CDH2: variants seen among roughly 807,000 people sequenced by gnomAD.
CDH2 encodes the protein cadherin 2, also known as cadherin-2.
In CDH2, 17 loss-of-function variants were observed where a neutral mutation model predicts 92.0. The observed-to-expected ratio is 0.18, with a 90% confidence interval of 0.13 to 0.28. The LOEUF (loss-of-function observed/expected upper bound fraction) is 0.28, where lower values mean the gene tolerates loss of function less well. Among genes scored for constraint, CDH2 ranks in the 10% least tolerant of loss-of-function variants. CDH2 has a pLI of 1.00. For synonymous variants in CDH2, 419 were observed against 415.9 expected (o/e 1.01, Z -0.09); for missense variants, 862 against 1,133.1 (o/e 0.76, Z 3.44).
intron 2 of CDH2, among the ~76,000 whole-genome samples, chr18:28,142,590 T>G (rs2015972343): frequency 6.6e-6 from 1 of 151,926 alleles, no homozygotes; most frequent in African/African-American, 2.4e-5. Flanking sequence ...ACCCCAAGGT[T>G]TAAAAAAATG....
In CDH2 at chr18:27,992,804, T is replaced by C; in HGVS notation, c.1195A>G (p.Ile399Val). The part of the protein sequence containing the change: ...GEVPENRVDI[I>V]VANLTVTDKD... ...TCGGTCACAGTTAGATTAGCTACTATGATGTCTACCCTGTTCTCAGGAACT... is the reference window on the plus strand; with the variant it reads ...TCGGTCACAGTTAGATTAGCTACTACGATGTCTACCCTGTTCTCAGGAACT... Residue 399 changes from isoleucine (I) to valine (V), a missense_variant, in exon 9 of 16, where the codon ATA (isoleucine) becomes GTA (valine). Ile to Val is a conservative substitution (Grantham distance 29). Around this residue, in one of 5 missense-constraint regions of CDH2, gnomAD observed 564 missense variants for 722.2 expected, o/e 0.78. Coordinates refer to ENST00000269141, the MANE Select transcript of CDH2 (RefSeq NM_001792.5). The C allele has an allele frequency of 1.2e-6, 2 of 1,614,016 alleles. No homozygotes were observed. Among genetic ancestry groups the C allele is most frequent in the South Asian group, 1.1e-5 (1 of 91,058 alleles).
intron 15 of CDH2, among the ~76,000 whole-genome samples, chr18:27,962,008 A>ATAAC (rs1238588811): frequency 6.6e-6 from 1 of 152,228 alleles, no homozygotes; most frequent in African/African-American, 2.4e-5. Flanking sequence ...AAGATTCACT[A>ATAAC]TAACTTGAAT....
At chr18:28,117,682 T>C (rs986619874) in intron 2 of CDH2, among the ~76,000 whole-genome samples, 1 of 152,150 alleles carries the variant, frequency 6.6e-6, no homozygotes, top group African/African-American at 2.4e-5. Flanking sequence ...TACTTTATAT[T>C]GGTTTTAAGA....
chr18:28,065,412 C>G (rs2014487723), intron 2 of CDH2, among the ~76,000 whole-genome samples: 1 of 152,136 alleles, frequency 6.6e-6, no homozygotes, highest in Non-Finnish European at 1.5e-5. Flanking sequence ...ACAAAAACGG[C>G]ACTTGGTTCA....
At chr18:27,956,710 T>G (rs1327380402) in intron 15 of CDH2, among the ~76,000 whole-genome samples, 1 of 152,196 alleles carries the variant, frequency 6.6e-6, no homozygotes, top group African/African-American at 2.4e-5. Context: ...GACTGCTCTC[T>G]ATGACTCCTT....
At chr18:27,983,926 C>T (rs190955169) in intron 13 of CDH2, among the ~76,000 whole-genome samples, 9 of 152,314 alleles carry the variant, frequency 5.9e-5, no homozygotes, top group Admixed American at 3.3e-4. Flanking sequence ...TATCAGTTTA[C>T]ATCCTGAAGC....
intron 1 of CDH2, chr18:28,159,435 T>A (rs2016271600): frequency 6.6e-6 from 1 of 152,260 alleles, no homozygotes. Context: ...CCTTTCATAT[T>A]TTCTGATTCT....
chr18:27,977,775 T>C (rs554250149), intron 14 of CDH2, among the ~76,000 whole-genome samples: 2 of 152,264 alleles, frequency 1.3e-5, no homozygotes, highest in East Asian at 3.9e-4. Context: ...CAAAAATTAT[T>C]CTTTAAGACT....
chr18:28,109,959 A>G (rs576160289), intron 2 of CDH2, among the ~76,000 whole-genome samples: 15 of 152,210 alleles, frequency 9.9e-5, no homozygotes, highest in Non-Finnish European at 2.1e-4. Flanking sequence ...CCAAGAATGT[A>G]CATACCATAC....
intron 2 of CDH2, among the ~76,000 whole-genome samples, chr18:28,064,040 A>G (rs1395528565): frequency 6.6e-6 from 1 of 152,076 alleles, no homozygotes; most frequent in Non-Finnish European, 1.5e-5. Context: ...AACAACCAAA[A>G]CAAGTTAAAA....
intron 1 of CDH2, among the ~76,000 whole-genome samples, chr18:28,160,217 G>A (rs1461929448): frequency 1.3e-5 from 2 of 151,894 alleles, no homozygotes; most frequent in Non-Finnish European, 2.9e-5. Context: ...TCCTAGAATA[G>A]AAAAGAGGCA....
At chr18:27,981,105 C>A (rs2012037427) in intron 14 of CDH2, among the ~76,000 whole-genome samples, 1 of 152,112 alleles carries the variant, frequency 6.6e-6, no homozygotes, top group African/African-American at 2.4e-5. Flanking sequence ...TTGGTTCTTG[C>A]CTCTGAGCCT....
intron 2 of CDH2, among the ~76,000 whole-genome samples, chr18:28,120,168 C>T (rs978520102): frequency 2.0e-5 from 3 of 152,056 alleles, no homozygotes; most frequent in Non-Finnish European, 4.4e-5. Context: ...TAAATTATCC[C>T]TAAGTACTCT....
chr18:28,079,603 T>C (rs1338297037), intron 2 of CDH2, among the ~76,000 whole-genome samples: 4 of 152,190 alleles, frequency 2.6e-5, no homozygotes, highest in Non-Finnish European at 5.9e-5. Flanking sequence ...AAAACAAAAA[T>C]TGATGTTACG....
At position 28,009,926 on chromosome 18, in the gene CDH2, C is replaced by T. The variant is rs41274320; in HGVS notation, c.547-54G>A. On this transcript the variant is annotated intron_variant, in intron 4 of 15. Coordinates refer to ENST00000269141, the MANE Select transcript of CDH2 (RefSeq NM_001792.5). Reference sequence around the variant, plus strand: ...GTGAGAGACTAAATGAGCTCATTATCAGAGATGGGGCACATCACACTTCAT... The same window carrying T: ...GTGAGAGACTAAATGAGCTCATTATTAGAGATGGGGCACATCACACTTCAT... 9,961 of 1,436,978 alleles carry T rather than the reference C, an allele frequency of 6.9e-3. 38 individuals are homozygous for T. Among genetic ancestry groups the T allele is most frequent in the Non-Finnish European group, 9.0e-3 (9,441 of 1,048,964 alleles). 89.0% of individuals were successfully genotyped at this position (1,436,978 alleles called of 1,614,324 possible). A position where few individuals can be genotyped will look rare whatever the true frequency, so the allele number is the denominator to read the frequency against.
intron 14 of CDH2, among the ~76,000 whole-genome samples, chr18:27,972,845 G>C (rs995779169): frequency 4.6e-5 from 7 of 152,152 alleles, no homozygotes; most frequent in Admixed American, 3.3e-4. Flanking sequence ...TCAAAATAGA[G>C]GTAGACTGGG....
intron 15 of CDH2, among the ~76,000 whole-genome samples, chr18:27,962,476 C>T (rs1159832213): frequency 6.6e-6 from 1 of 152,122 alleles, no homozygotes; most frequent in African/African-American, 2.4e-5. Context: ...GCCCAGGATA[C>T]AAGAGTCTTA....
intron 10 of CDH2, 103 bp from the exon 11 acceptor site, chr18:27,988,769 T>C: frequency 1.3e-6 from 1 of 788,020 alleles, no homozygotes; most frequent in Non-Finnish European, 2.1e-6. Context: ...CTTGCATTTC[T>C]GTAGATGATG....
chr18:28,043,890 A>ATTTTTTTTTTTTTTTTTTT (rs67532914), intron 2 of CDH2, among the ~76,000 whole-genome samples: 2 of 91,470 alleles, frequency 2.2e-5, no homozygotes, highest in African/African-American at 3.9e-5. Flanking sequence ...AGAATCTCGG[A>ATTTTTTTTTTTTTTTTTTT]TTTTTTTTTT....
Sources: gnomAD v4.1 joint callset for allele counts (sites outside exome capture counted in the v4.1 genomes callset) on GRCh38, gnomAD v4.1.1 for gene constraint, gnomAD v4.1.1 regional missense constraint, MANE v1.5 for transcripts, NCBI Gene and HGNC (gene_info 2026-07-23, HGNC 2026-07-21) for gene names.